Variants in RIF1 observed in about 807,000 individuals in gnomAD.
RIF1 encodes the protein replication timing regulatory factor 1.
Under a neutral mutation model 247.1 loss-of-function variants are expected in RIF1, and 45 were observed. That is an observed-to-expected ratio of 0.18 (90% CI 0.14 to 0.23). The LOEUF (loss-of-function observed/expected upper bound fraction) is 0.23, where lower values mean the gene tolerates loss of function less well. Ranked by LOEUF, RIF1 falls within the 10% of genes least tolerant of loss-of-function variation. The probability of loss-of-function intolerance (pLI) is 1.00; values close to 1 mark genes in which losing one functional copy is unlikely to be tolerated. For missense variants in RIF1, 2,967 were observed against 2,862.5 expected (o/e 1.04, Z -0.83); for synonymous variants, 1,087 against 978.8 (o/e 1.11, Z -2.06).
At chr2:151,511,119 C>A (rs150630968), downstream of RIF1, among the ~76,000 whole-genome samples, 257 of 152,314 alleles carry the variant, frequency 1.7e-3, 2 homozygotes, top group South Asian at 0.031. Flanking sequence ...CTGAAGCTTT[C>A]GTTAAAGATC....
downstream of RIF1, chr2:151,485,963 T>A (rs778467089): frequency 1.2e-6 from 2 of 1,608,618 alleles, no homozygotes. Flanking sequence ...AGGGGAAATA[T>A]TATATGTTGG....
chr2:151,461,099 AGC>A (rs1288506774), intron 26 of RIF1, 37 bp from the exon 27 acceptor site: 1 of 1,568,304 alleles, frequency 6.4e-7, no homozygotes, highest in Admixed American at 1.9e-5. Context: ...ATAATTTGGA[AGC>A]TAAAATGTAC....
intron 3 of RIF1, among the ~76,000 whole-genome samples, chr2:151,414,492 T>C (rs978831830): frequency 2.6e-5 from 4 of 152,196 alleles, no homozygotes; most frequent in African/African-American, 4.8e-5. Flanking sequence ...TTGAGTCTCT[T>C]GTTTACTCAG....
chr2:151,442,125 G>A lies in RIF1; in HGVS notation c.1734+134G>A, dbSNP rs2432939. 243 of 196,522 alleles carry A rather than the reference G, an allele frequency of 1.2e-3. 1 individual carries two copies. Among genetic ancestry groups the A allele is most frequent in the African/African-American group, 5.2e-3 (205 of 39,348 alleles). The allele number at this position is 196,522 out of a possible 1,614,324, so 12.2% of individuals were successfully genotyped here. ...AGTTTTGCTCTTGTTGCCCAGGCTG[G>A]AGAGCAGTGGCACGATCTCGGCTCA... On this transcript the variant is annotated intron_variant, in intron 16 of 35. Coordinates refer to ENST00000444746, the MANE Select transcript of RIF1 (RefSeq NM_018151.5).
chr2:151,533,333 A>G, the RIF1 span: 4 of 724,908 alleles, frequency 5.5e-6, no homozygotes, highest in Non-Finnish European at 9.3e-6. Flanking sequence ...GCTTTACCAT[A>G]TGAAGCCAGC....
chr2:151,502,283 G>C (rs572757495), intron 11 of RIF1, among the ~76,000 whole-genome samples: 1 of 152,026 alleles, frequency 6.6e-6, no homozygotes, highest in South Asian at 2.1e-4. Flanking sequence ...TACTGCTTGG[G>C]TGATGGGTGC....
chr2:151,494,612 T>C (rs4994327), intron 9 of RIF1, among the ~76,000 whole-genome samples: 98,056 of 152,010 alleles, frequency 0.65, 31,960 homozygotes, highest in East Asian at 0.79. Context: ...GTTGAGGCTG[T>C]TCCTAATACA....
In RIF1 at chr2:151,466,043, G is replaced by A; in HGVS notation, c.6523G>A (p.Ala2175Thr). ...GACACGCTGTGTCTGGTCTCCTTTG[G>A]CTTCTCCGTCTACGAGCATTTTAAA... is the stretch of plus-strand genomic sequence containing the variant. ...MQTRCVWSPL[A>T]SPSTSILKRG... Residue 2175 changes from alanine to threonine, a missense_variant, in exon 30 of 36, where the codon GCT (alanine) becomes ACT (threonine). By Grantham distance (58) the Ala-to-Thr change is moderately conservative (BLOSUM62 0). Coordinates refer to ENST00000444746, the MANE Select transcript of RIF1 (RefSeq NM_018151.5). 6.2e-7 allele frequency: 1 copy of A among 1,613,548 alleles called. No homozygotes were observed. The highest frequency in any genetic ancestry group is 8.5e-7 in the Non-Finnish European group (1 of 1,179,674).
chr2:151,493,760 T>C (rs749548260), intron 9 of RIF1: 1 of 1,510,092 alleles, frequency 6.6e-7, no homozygotes, highest in South Asian at 1.2e-5. Flanking sequence ...GATTTATTTT[T>C]CCTTTCTAAA....
At position 151,436,872 on chromosome 2, in the gene RIF1, T is replaced by A. The variant is rs1158088318; in HGVS notation, c.1241T>A (p.Leu414Gln). ...GCCCCGGGAACTCCCCGAATGAACC[T>A]GAGTTCGAATTTAGGTGGAATGGCC... The part of the protein sequence containing the change: ...YGAPGTPRMN[L>Q]SSNLGGMATI... The change falls in exon 12 of 36, where the codon CTG becomes CAG. Residue 414 changes from leucine to glutamine, a missense_variant. Leu to Gln is a moderately radical substitution (Grantham distance 113). This residue lies in a region of RIF1 where 369 missense variants were observed against 322.0 expected (regional missense o/e 1.15). Transcript: ENST00000444746. 1 of 1,613,254 alleles carries A rather than the reference T, an allele frequency of 6.2e-7. No individual in the cohort carries two copies. The highest frequency in any genetic ancestry group is 1.3e-5 in the African/African-American group (1 of 74,898).
intron 11 of RIF1, 54 bp downstream of exon 11, chr2:151,435,634 A>G (rs1691031207): frequency 4.2e-6 from 4 of 953,752 alleles, no homozygotes; most frequent in East Asian, 2.4e-5. Context: ...TTGTTGACCT[A>G]GAAGCATAGT....
At chr2:151,506,407 C>T in intron 13 of RIF1, 1 of 633,848 alleles carries the variant, frequency 1.6e-6, no homozygotes, top group Admixed American at 2.8e-5. Flanking sequence ...CTGACATTTC[C>T]ATGTCAGTAT....
rs1218375653 is a variant in RIF1 at position 151,428,798 on chromosome 2, T to A, written c.801T>A (p.Ser267Arg). The A allele has an allele frequency of 1.2e-6, 2 of 1,605,016 alleles. No individual in the cohort carries two copies. The highest frequency in any genetic ancestry group is 1.7e-6 in the Non-Finnish European group (2 of 1,172,164). Residue 267 changes from serine to arginine, a missense_variant, in exon 9 of 36, where the codon AGT becomes AGA. By Grantham distance (110) the Ser-to-Arg change is moderately radical. Coordinates refer to ENST00000444746, the MANE Select transcript of RIF1 (RefSeq NM_018151.5). ...CCCCTTTTTAGACCTTGCATCGAAG[T>A]GGGAGTTTCATCAATTCTCTCTTGC... ...VKLLGRTLHR[S>R]GSFINSLLQL...
At chr2:151,518,294 A>G in the RIF1 span, 3 of 1,514,742 alleles carry the variant, frequency 2.0e-6, no homozygotes, top group African/African-American at 2.8e-5. Context: ...GCGCCAGAGG[A>G]AAAATCGGTC....
chr2:151,500,352 A>T (rs189366071), intron 11 of RIF1, among the ~76,000 whole-genome samples: 7 of 152,150 alleles, frequency 4.6e-5, no homozygotes, highest in African/African-American at 1.7e-4. Context: ...TTTCCTAATG[A>T]CATTTGATTC....
At chr2:151,414,442 A>G (rs1573844010) in intron 3 of RIF1, among the ~76,000 whole-genome samples, 1 of 152,168 alleles carries the variant, frequency 6.6e-6, no homozygotes, top group African/African-American at 2.4e-5. Flanking sequence ...AGAGGAAGAG[A>G]TGTCACTCCA....
At chr2:151,533,944 A>T in the RIF1 span, among the ~76,000 whole-genome samples, 11 of 152,208 alleles carry the variant, frequency 7.2e-5, no homozygotes, top group African/African-American at 2.4e-4. Flanking sequence ...TTACAGTTGC[A>T]GTTTTCAAAC....
intron 7 of RIF1, among the ~76,000 whole-genome samples, chr2:151,421,786 T>A (rs1317777705): frequency 1.3e-5 from 2 of 152,098 alleles, no homozygotes; most frequent in African/African-American, 4.8e-5. Context: ...GTAACTCGAG[T>A]GTCTCATAAA....
chr2:151,475,174 G>T lies in RIF1; in HGVS notation c.*103G>T. On this transcript the variant is annotated 3_prime_UTR_variant, in exon 36 of 36. Coordinates refer to ENST00000444746, the MANE Select transcript of RIF1 (RefSeq NM_018151.5). The stretch of plus-strand genomic sequence containing the variant: ...CACAATTTCAAAGAAGAGACTCTTT[G>T]CAAAGTTGATAACATTTCAAACCCT... The T allele has an allele frequency of 1.2e-6, 1 of 809,034 alleles. No individual in the cohort carries two copies. Among genetic ancestry groups the T allele is most frequent in the South Asian group, 1.6e-5 (1 of 64,060 alleles). 50.1% of individuals were successfully genotyped at this position (809,034 alleles called of 1,614,324 possible). A position where few individuals can be genotyped will look rare whatever the true frequency, so the allele number is the denominator to read the frequency against.
Sources: allele counts gnomAD v4.1 joint callset (sites outside exome capture counted in the v4.1 genomes callset), GRCh38; gene constraint gnomAD v4.1.1; regional missense constraint gnomAD v4.1.1; transcripts MANE v1.5; gene names NCBI Gene and HGNC (gene_info 2026-07-23, HGNC 2026-07-21).